The following RBFOX1 variants were observed in gnomAD, a reference collection of about 807,000 sequenced individuals.
The protein encoded by RBFOX1 is RNA binding fox-1 homolog 1.
A neutral mutation model predicts 57.7 loss-of-function variants in RBFOX1; 8 were observed. The ratio of observed to expected loss-of-function variants is 0.14; its 90% CI spans 0.08 to 0.25. RBFOX1 has a LOEUF of 0.25. RBFOX1 is among the 10% of genes least tolerant of loss of function. The pLI is 1.00. For synonymous variants in RBFOX1, 326 were observed against 222.4 expected, an observed-to-expected ratio of 1.47 and a Z score of -4.15; for missense variants, 611 against 548.5, an observed-to-expected ratio of 1.11 and a Z score of -1.14.
At chr16:7,555,925 C>G (rs2088290950) in intron 5 of RBFOX1, among the ~76,000 whole-genome samples, 1 of 152,174 alleles carries the variant, frequency 6.6e-6, no homozygotes, top group Non-Finnish European at 1.5e-5. Flanking sequence ...CTTCCTCCTG[C>G]TCTCCTAAAA....
At chr16:7,505,708 G>A (rs2073050253) in intron 4 of RBFOX1, among the ~76,000 whole-genome samples, 1 of 152,166 alleles carries the variant, frequency 6.6e-6, no homozygotes, top group Non-Finnish European at 1.5e-5. Context: ...TGTTTCTGAG[G>A]CTGGTGTTTG....
chr16:7,393,473 C>T (rs2098081178), intron 4 of RBFOX1, among the ~76,000 whole-genome samples: 1 of 152,084 alleles, frequency 6.6e-6, no homozygotes, highest in Non-Finnish European at 1.5e-5. Flanking sequence ...ATATAATTTT[C>T]CTACCCCATC....
chr16:5,748,450 A>C (rs1383525048), intron 3 of RBFOX1, among the ~76,000 whole-genome samples: 2 of 152,152 alleles, frequency 1.3e-5, no homozygotes, highest in African/African-American at 4.8e-5. Flanking sequence ...CGTCTCGTGG[A>C]TCTGTCTAAT....
chr16:6,913,304 G>A (rs2072191736), intron 3 of RBFOX1, among the ~76,000 whole-genome samples: 1 of 152,090 alleles, frequency 6.6e-6, no homozygotes, highest in Admixed American at 6.5e-5. Flanking sequence ...GTGTCATGCT[G>A]TTCAAAAGAT....
intron 4 of RBFOX1, among the ~76,000 whole-genome samples, chr16:7,425,414 A>G (rs1457585738): frequency 6.6e-6 from 1 of 152,206 alleles, no homozygotes; most frequent in Non-Finnish European, 1.5e-5. Flanking sequence ...ATGTAATAGA[A>G]AACTTCCTCA....
At chr16:6,721,194 G>C (rs569168188) in intron 3 of RBFOX1, among the ~76,000 whole-genome samples, 1 of 152,184 alleles carries the variant, frequency 6.6e-6, no homozygotes, top group African/African-American at 2.4e-5. Context: ...TATAATCCCA[G>C]TACTTTGGAA....
At chr16:7,310,674 A>G (rs145330732) in intron 4 of RBFOX1, among the ~76,000 whole-genome samples, 3 of 152,216 alleles carry the variant, frequency 2.0e-5, no homozygotes, top group African/African-American at 7.2e-5. Context: ...ATTAACTTAC[A>G]TATTAAACAT....
chr16:5,791,835 C>G (rs1000189043), intron 3 of RBFOX1, among the ~76,000 whole-genome samples: 3 of 152,176 alleles, frequency 2.0e-5, no homozygotes, highest in Non-Finnish European at 4.4e-5. Flanking sequence ...GGCCACTTTG[C>G]TCTCTGGAAA....
At chr16:7,573,535 C>A (rs1324987913) in intron 5 of RBFOX1, among the ~76,000 whole-genome samples, 1 of 152,126 alleles carries the variant, frequency 6.6e-6, no homozygotes, top group Non-Finnish European at 1.5e-5. Flanking sequence ...CACTTTAGAG[C>A]CAAACATAAC....
intron 4 of RBFOX1, among the ~76,000 whole-genome samples, chr16:7,275,518 A>G (rs1030427283): frequency 1.3e-5 from 2 of 152,206 alleles, no homozygotes; most frequent in African/African-American, 2.4e-5. Context: ...TTCCATAACT[A>G]TATAGAATTT....
chr16:6,053,012 T>C (rs1333712626), intron 1 of RBFOX1, among the ~76,000 whole-genome samples: 1 of 152,034 alleles, frequency 6.6e-6, no homozygotes, highest in Non-Finnish European at 1.5e-5. Flanking sequence ...TCTATTAATA[T>C]CACCACATCT....
chr16:7,301,386 T>C (rs1468674662), intron 4 of RBFOX1, among the ~76,000 whole-genome samples: 1 of 152,184 alleles, frequency 6.6e-6, no homozygotes, highest in Non-Finnish European at 1.5e-5. Context: ...AATTTTGATG[T>C]GGATTTAGGT....
At chr16:6,739,119 A>T (rs374873361) in intron 3 of RBFOX1, among the ~76,000 whole-genome samples, 9 of 152,248 alleles carry the variant, frequency 5.9e-5, no homozygotes, top group African/African-American at 2.2e-4. Flanking sequence ...AGCAAGCAGC[A>T]GAGAGGAAAT....
intron 2 of RBFOX1, among the ~76,000 whole-genome samples, chr16:5,520,298 A>T: frequency 6.6e-6 from 1 of 152,208 alleles, no homozygotes; most frequent in East Asian, 1.9e-4. Flanking sequence ...ATGTTCAGGT[A>T]GTAGGAATCT....
intron 1 of RBFOX1, among the ~76,000 whole-genome samples, chr16:6,225,793 T>A (rs1490437471): frequency 6.6e-6 from 1 of 152,202 alleles, no homozygotes; most frequent in Non-Finnish European, 1.5e-5. Flanking sequence ...AAGTTCCTAC[T>A]AGCCTAGGAG....
chr16:7,192,132 G>A (rs916921267), intron 4 of RBFOX1, among the ~76,000 whole-genome samples: 3 of 152,158 alleles, frequency 2.0e-5, no homozygotes, highest in African/African-American at 4.8e-5. Context: ...AATAATTGGT[G>A]GGGGAAGGGG....
chr16:7,305,466 C>G (rs915193762), intron 4 of RBFOX1, among the ~76,000 whole-genome samples: 1 of 152,086 alleles, frequency 6.6e-6, no homozygotes, highest in Admixed American at 6.6e-5. Flanking sequence ...TTCTCCCTCC[C>G]AGGATCTCCA....
chr16:5,850,846 G>T (rs1340571996), intron 3 of RBFOX1, among the ~76,000 whole-genome samples: 2 of 152,238 alleles, frequency 1.3e-5, no homozygotes, highest in Non-Finnish European at 2.9e-5. Flanking sequence ...GACCTTGCAG[G>T]CAGGGAGACA....
At chr16:6,376,667 G>T (rs1433385510) in intron 2 of RBFOX1, among the ~76,000 whole-genome samples, 2 of 152,018 alleles carry the variant, frequency 1.3e-5, no homozygotes, top group African/African-American at 4.8e-5. Flanking sequence ...CCCAACTAAT[G>T]GTTTCATGAC....
Sources: gnomAD v4.1 joint callset for allele counts (sites outside exome capture counted in the v4.1 genomes callset) on GRCh38, gnomAD v4.1.1 for gene constraint, MANE v1.5 for transcripts, NCBI Gene and HGNC (gene_info 2026-07-23, HGNC 2026-07-21) for gene names.